ZFHX3: variants seen among roughly 807,000 people sequenced by gnomAD.
ZFHX3 encodes the protein zinc finger homeobox protein 3.
In ZFHX3, 42 loss-of-function variants were observed where a neutral mutation model predicts 279.1. That is an observed-to-expected ratio of 0.15 (90% confidence interval 0.12 to 0.19). The LOEUF is 0.19. ZFHX3 is among the 10% of genes least tolerant of loss of function. The pLI, the probability that ZFHX3 is intolerant of heterozygous loss-of-function variation, is 1.00. For synonymous variants in ZFHX3, 2,293 were observed against 1,957.8 expected, an observed-to-expected ratio of 1.17 and a Z score of -4.52; for missense variants, 4,981 against 4,754.0, an observed-to-expected ratio of 1.05 and a Z score of -1.40.
At chr16:73,304,804 A>G (rs1347908091) in intron 4 of ZFHX3, among the ~76,000 whole-genome samples, 1 of 152,048 alleles carries the variant, frequency 6.6e-6, no homozygotes, top group African/African-American at 2.4e-5. Context: ...AGCCTCCATA[A>G]ATCTGCCTCA....
upstream of ZFHX3, chr16:73,061,694 T>C (rs1177179447): frequency 6.6e-6 from 1 of 152,108 alleles, no homozygotes; most frequent in Non-Finnish European, 1.5e-5. Context: ...TTATCTGTCT[T>C]CACGAATCTT....
chr16:73,355,138 AC>A (rs1174919159), intron 3 of ZFHX3, among the ~76,000 whole-genome samples: 1 of 152,192 alleles, frequency 6.6e-6, no homozygotes, highest in Non-Finnish European at 1.5e-5. Flanking sequence ...CTTCCATTCA[AC>A]CTTGAACCGA....
chr16:73,610,343 T>C (rs2052232748), intron 2 of ZFHX3, among the ~76,000 whole-genome samples: 1 of 152,222 alleles, frequency 6.6e-6, no homozygotes, highest in South Asian at 2.1e-4. Context: ...TCGTATTTGC[T>C]TTCCGGGTGT....
intron 1 of ZFHX3, among the ~76,000 whole-genome samples, chr16:73,835,564 G>C (rs1961123569): frequency 7.2e-6 from 1 of 139,588 alleles, no homozygotes; most frequent in Non-Finnish European, 1.5e-5. Flanking sequence ...TCCACCTCCT[G>C]GGTTCAAGTG....
chr16:73,088,114 C>G lies in ZFHX3; in HGVS notation c.-533+5121G>C, dbSNP rs377355089. 4.6e-5 allele frequency among the ~76,000 whole-genome samples: 7 copies of G among 151,924 alleles called. No homozygotes were observed. The East Asian group carries it at 7.8e-4, about 17-fold the overall frequency. On this transcript the variant is annotated intron_variant, in intron 8 of 17. Coordinates refer to the ZFHX3 transcript ENST00000641206. ...AAGTGCTGGGATTATAGGCGTGAAC[C>G]ACTGCACCTGGCCTAAACTTTCATT...
intron 5 of ZFHX3, among the ~76,000 whole-genome samples, chr16:73,155,166 CTG>C (rs1967044370): frequency 7.7e-6 from 1 of 129,434 alleles, no homozygotes; most frequent in Non-Finnish European, 1.6e-5. Context: ...GAGTGAGACT[CTG>C]TCTCAAAAAA....
At chr16:72,968,311 A>C (rs1961943562) in intron 1 of ZFHX3, among the ~76,000 whole-genome samples, 1 of 152,216 alleles carries the variant, frequency 6.6e-6, no homozygotes, top group African/African-American at 2.4e-5. Flanking sequence ...GAACTGTTTC[A>C]GATTAAAAGA....
chr16:73,605,607 G>A (rs2052169343), intron 2 of ZFHX3, among the ~76,000 whole-genome samples: 1 of 151,780 alleles, frequency 6.6e-6, no homozygotes, highest in South Asian at 2.1e-4. Context: ...GAAAAAGCAA[G>A]CGGATATCTG....
chr16:73,293,986 C>CAAAAAAAA (rs56783722), intron 4 of ZFHX3: 26 of 41,738 alleles, frequency 6.2e-4, no homozygotes, highest in Non-Finnish European at 9.0e-4. Flanking sequence ...GTCAATATGC[C>CAAAAAAAA]AAAAAAAAAA....
intron 5 of ZFHX3, among the ~76,000 whole-genome samples, chr16:73,240,777 A>G (rs2013097494): frequency 6.6e-6 from 1 of 152,190 alleles, no homozygotes; most frequent in South Asian, 2.1e-4. Flanking sequence ...GAATTTGCAA[A>G]TACGGAATCT....
intron 4 of ZFHX3, among the ~76,000 whole-genome samples, chr16:73,312,082 A>T (rs2015341629): frequency 6.6e-6 from 1 of 152,162 alleles, no homozygotes; most frequent in Admixed American, 6.5e-5. Context: ...GGCTGTTGAA[A>T]ACCTGGAGTA....
At chr16:73,868,499 G>A (rs1005225195) in intron 1 of ZFHX3, among the ~76,000 whole-genome samples, 1 of 152,328 alleles carries the variant, frequency 6.6e-6, no homozygotes, top group Admixed American at 6.5e-5. Context: ...ACTCCAGCCT[G>A]GGCAACAGAG....
intron 1 of ZFHX3, chr16:73,794,083 C>G (rs1423707841): frequency 6.6e-6 from 1 of 152,228 alleles, no homozygotes; most frequent in Non-Finnish European, 1.5e-5. Flanking sequence ...TGACAGCAGG[C>G]TGGTCCTCGC....
chr16:72,905,776 G>A (rs2039154902), intron 3 of ZFHX3, among the ~76,000 whole-genome samples: 1 of 152,234 alleles, frequency 6.6e-6, no homozygotes, highest in African/African-American at 2.4e-5. Flanking sequence ...GGCATTCCTA[G>A]AACATAAGAC....
At chr16:73,673,087 G>C (rs1232790352) in intron 2 of ZFHX3, among the ~76,000 whole-genome samples, 1 of 152,000 alleles carries the variant, frequency 6.6e-6, no homozygotes, top group East Asian at 1.9e-4. Flanking sequence ...TCAAAAATTA[G>C]AAAGATCTAA....
chr16:73,366,972 G>C (rs1428487597), intron 3 of ZFHX3, among the ~76,000 whole-genome samples: 1 of 152,010 alleles, frequency 6.6e-6, no homozygotes, highest in African/African-American at 2.4e-5. Flanking sequence ...AATGATTTTT[G>C]TGCGGGCCCA....
intron 2 of ZFHX3, among the ~76,000 whole-genome samples, chr16:73,539,936 A>C (rs2019981850): frequency 6.6e-6 from 1 of 152,188 alleles, no homozygotes; most frequent in Admixed American, 6.5e-5. Flanking sequence ...CCCCACACTC[A>C]CACATATGAA....
At chr16:73,414,020 T>C (rs2017521696) in intron 3 of ZFHX3, among the ~76,000 whole-genome samples, 1 of 152,216 alleles carries the variant, frequency 6.6e-6, no homozygotes, top group South Asian at 2.1e-4. Context: ...AGTCCTGCAG[T>C]TAAAAACAAA....
chr16:73,706,766 G>C (rs1360516627), intron 1 of ZFHX3, among the ~76,000 whole-genome samples: 1 of 152,110 alleles, frequency 6.6e-6, no homozygotes, highest in African/African-American at 2.4e-5. Flanking sequence ...CATCTCCTAT[G>C]CCAATTTTTC....
Sources: allele counts gnomAD v4.1 joint callset (sites outside exome capture counted in the v4.1 genomes callset), GRCh38; gene constraint gnomAD v4.1.1; transcripts MANE v1.5; gene names NCBI Gene and HGNC (gene_info 2026-07-23, HGNC 2026-07-21).